Variants in NCKAP5 observed in about 807,000 individuals in gnomAD.
NCKAP5 encodes nck-associated protein 5.
In NCKAP5, 92 loss-of-function variants were observed where a neutral mutation model predicts 167.0. The observed-to-expected ratio is 0.55, with a 90% CI of 0.47 to 0.66. The LOEUF (loss-of-function observed/expected upper bound fraction) is 0.66, where lower values mean the gene tolerates loss of function less well. Ranked by LOEUF, NCKAP5 falls within the 30% of genes least tolerant of loss-of-function variation. The probability of loss-of-function intolerance (pLI) is 0.00; values close to 1 mark genes in which losing one functional copy is unlikely to be tolerated. For synonymous variants in NCKAP5, 891 were observed against 877.4 expected (o/e 1.02, Z -0.27); for missense variants, 2,378 against 2,315.0 (o/e 1.03, Z -0.56).
chr2:133,078,161 T>G (rs946021349), intron 6 of NCKAP5, among the ~76,000 whole-genome samples: 1 of 152,158 alleles, frequency 6.6e-6, no homozygotes, highest in African/African-American at 2.4e-5. Context: ...ATATTTTACA[T>G]CACAGCAGGA....
intron 5 of NCKAP5, among the ~76,000 whole-genome samples, chr2:133,198,852 C>A (rs1056467680): frequency 6.6e-6 from 1 of 151,956 alleles, no homozygotes; most frequent in South Asian, 2.1e-4. Context: ...GAACAAAGTT[C>A]TTTTTTTAAA....
chr2:133,056,170 T>A (rs1355282301), intron 6 of NCKAP5, among the ~76,000 whole-genome samples: 1 of 152,184 alleles, frequency 6.6e-6, no homozygotes, highest in African/African-American at 2.4e-5. Flanking sequence ...AAATGCTTGT[T>A]TCTTTTATGC....
At position 133,115,765 on chromosome 2, in the gene NCKAP5, ATG is replaced by A. The variant is rs1169033367; in HGVS notation, c.341+14211_341+14212del. Reference sequence around the variant, plus strand: ...TATCTGGAGGTAAATTGAAGTATATATGTGTGTGTGTATATATATATATATAT... The same window carrying A: ...TATCTGGAGGTAAATTGAAGTATATATGTGTGTGTATATATATATATATAT... On this transcript the variant is annotated intron_variant, in intron 6 of 19. Coordinates refer to ENST00000409261, the MANE Select transcript of NCKAP5 (RefSeq NM_207363.3). 1.5e-4 allele frequency among the ~76,000 whole-genome samples: 13 copies of A among 88,034 alleles called. 1 individual carries two copies. Among genetic ancestry groups the A allele is most frequent in the African/African-American group, 4.2e-4 (8 of 19,272 alleles). 57.8% of individuals were successfully genotyped at this position (88,034 alleles called of 152,430 possible).
intron 3 of NCKAP5, among the ~76,000 whole-genome samples, chr2:133,365,849 A>G (rs2150889042): frequency 6.6e-6 from 1 of 152,348 alleles, no homozygotes; most frequent in Non-Finnish European, 1.5e-5. Flanking sequence ...TCAATTTGAA[A>G]TGTGTCCACT....
intron 8 of NCKAP5, among the ~76,000 whole-genome samples, chr2:132,888,039 G>C (rs1236676616): frequency 2.6e-5 from 4 of 152,170 alleles, no homozygotes; most frequent in African/African-American, 7.2e-5. Flanking sequence ...AGTTTCATGA[G>C]TATTATTAGT....
intron 19 of NCKAP5, among the ~76,000 whole-genome samples, chr2:132,704,253 G>A (rs538446011): frequency 2.0e-5 from 3 of 152,116 alleles, no homozygotes; most frequent in East Asian, 1.9e-4. Flanking sequence ...GTAGGTATCC[G>A]TCTTTCCTAC....
chr2:132,735,518 G>T (rs1342829656), intron 16 of NCKAP5, among the ~76,000 whole-genome samples: 1 of 152,150 alleles, frequency 6.6e-6, no homozygotes, highest in Non-Finnish European at 1.5e-5. Flanking sequence ...TATACAGCCT[G>T]CAGAACCATG....
chr2:133,069,324 C>T (rs2080308524), intron 6 of NCKAP5, among the ~76,000 whole-genome samples: 1 of 152,182 alleles, frequency 6.6e-6, no homozygotes, highest in African/African-American at 2.4e-5. Context: ...CCTTTCCTAA[C>T]TCTTTTCCTT....
chr2:133,487,708 A>G (rs1308171613), intron 3 of NCKAP5, among the ~76,000 whole-genome samples: 1 of 152,200 alleles, frequency 6.6e-6, no homozygotes. Flanking sequence ...ACCCAGCTTC[A>G]TGGCCACTTC....
intron 4 of NCKAP5, among the ~76,000 whole-genome samples, chr2:133,219,643 T>C (rs1422753338): frequency 6.6e-6 from 1 of 152,126 alleles, no homozygotes; most frequent in Non-Finnish European, 1.5e-5. Context: ...GATTCCTCAG[T>C]AACTTGTATA....
At chr2:133,112,374 T>C (rs892307863) in intron 6 of NCKAP5, among the ~76,000 whole-genome samples, 3 of 151,898 alleles carry the variant, frequency 2.0e-5, no homozygotes, top group African/African-American at 7.3e-5. Flanking sequence ...CTCGGGAGGC[T>C]GAGGCGGAAG....
At chr2:133,245,235 G>A (rs950804428) in intron 4 of NCKAP5, among the ~76,000 whole-genome samples, 3 of 152,040 alleles carry the variant, frequency 2.0e-5, no homozygotes, top group African/African-American at 7.2e-5. Flanking sequence ...GTCCATCAAC[G>A]ATCAACTACA....
At chr2:132,942,549 T>C (rs1462769777) in intron 8 of NCKAP5, among the ~76,000 whole-genome samples, 3 of 152,216 alleles carry the variant, frequency 2.0e-5, no homozygotes, top group Non-Finnish European at 2.9e-5. Flanking sequence ...ATTAAAAACA[T>C]GAGCCCACGT....
intron 6 of NCKAP5, among the ~76,000 whole-genome samples, chr2:133,062,620 C>T (rs1667505165): frequency 6.6e-6 from 1 of 152,170 alleles, no homozygotes; most frequent in Admixed American, 6.6e-5. Flanking sequence ...GTCCTCTTTG[C>T]AGAGGTACTC....
chr2:132,881,200 G>T (rs1199965709), intron 8 of NCKAP5, among the ~76,000 whole-genome samples: 1 of 152,058 alleles, frequency 6.6e-6, no homozygotes, highest in African/African-American at 2.4e-5. Flanking sequence ...TTGAGATGGA[G>T]TATTGCTCTT....
At chr2:133,390,899 C>A (rs1005753221) in intron 3 of NCKAP5, among the ~76,000 whole-genome samples, 1 of 152,118 alleles carries the variant, frequency 6.6e-6, no homozygotes, top group African/African-American at 2.4e-5. Flanking sequence ...CTTAACTATA[C>A]CTTTTAGTTT....
intron 5 of NCKAP5, among the ~76,000 whole-genome samples, chr2:133,209,173 A>G (rs948848421): frequency 2.6e-5 from 4 of 151,956 alleles, no homozygotes; most frequent in African/African-American, 9.7e-5. Flanking sequence ...TATTGAAGAC[A>G]ACACTGAAGT....
At chr2:132,725,228 C>T (rs563617262) in intron 19 of NCKAP5, among the ~76,000 whole-genome samples, 13 of 152,350 alleles carry the variant, frequency 8.5e-5, no homozygotes, top group African/African-American at 3.1e-4. Flanking sequence ...GCACAGCTAA[C>T]AGGTCCAGGG....
intron 19 of NCKAP5, among the ~76,000 whole-genome samples, chr2:132,675,382 A>G (rs866957649): frequency 1.3e-5 from 2 of 152,348 alleles, no homozygotes; most frequent in Middle Eastern, 3.4e-3. Flanking sequence ...AAAGAACTTT[A>G]AAGCTCTGGC....
Sources: gnomAD v4.1 joint callset for allele counts (sites outside exome capture counted in the v4.1 genomes callset) on GRCh38, gnomAD v4.1.1 for gene constraint, MANE v1.5 for transcripts, NCBI Gene and HGNC (gene_info 2026-07-23, HGNC 2026-07-21) for gene names.